TMEM132B: variants seen among roughly 807,000 people sequenced by gnomAD.
TMEM132B encodes transmembrane protein 132B.
Under a neutral mutation model 90.8 loss-of-function variants are expected in TMEM132B, and 18 were observed. That is an observed-to-expected ratio of 0.20 (90% CI 0.14 to 0.29). TMEM132B has a LOEUF of 0.29. TMEM132B is among the 10% of genes least tolerant of loss of function. The pLI is 1.00. For synonymous variants in TMEM132B, 504 were observed against 523.3 expected, an observed-to-expected ratio of 0.96 and a Z score of 0.50; for missense variants, 1,096 against 1,326.8, an observed-to-expected ratio of 0.83 and a Z score of 2.70.
chr12:125,399,834 T>C (rs1879265783), intron 2 of TMEM132B, among the ~76,000 whole-genome samples: 1 of 152,166 alleles, frequency 6.6e-6, no homozygotes. Context: ...AAGAAAATAT[T>C]GCATTGTAGA....
rs1476168051 is a variant in TMEM132B, at chr12:125,610,919, C to A, written c.1437+26925C>A. On this transcript the variant is annotated intron_variant, in intron 5 of 8. Transcript: ENST00000682704. ...TTATAGAATGATCCAGGAAGATTTCCCTTCTCTGTTATTATTTGGAAGAGT... is the reference window on the plus strand; with the variant it reads ...TTATAGAATGATCCAGGAAGATTTCACTTCTCTGTTATTATTTGGAAGAGT... Among the ~76,000 whole-genome samples the A allele has an allele frequency of 4.6e-5, 7 of 151,950 alleles. 1 individual carries two copies. The highest frequency in any genetic ancestry group is 1.0e-4 in the Non-Finnish European group (7 of 67,952).
chr12:125,441,732 G>A (rs1462729), intron 3 of TMEM132B, among the ~76,000 whole-genome samples: 73,863 of 152,070 alleles, frequency 0.49, 18,127 homozygotes, highest in East Asian at 0.58. Flanking sequence ...GCTGGAATCA[G>A]TGGTGGCTCT....
In TMEM132B at chr12:125,654,403, A is replaced by C; in HGVS notation, c.2945A>C (p.Gln982Pro). The change falls in exon 9 of 9, where the codon CAG (glutamine) becomes CCG (proline). Residue 982 changes from glutamine (Q) to proline (P), a missense_variant. By Grantham distance (76) the Gln-to-Pro change is moderately conservative. Transcript: ENST00000682704. This position sits in a 1 kb window ranked among gnomAD's most constrained non-coding sequence, Gnocchi z 5.8. ...ECTTMIDRGL[Q>P]FEERNFLLNG... ...ACAACCATGATAGACAGGGGCCTGC[A>C]GTTCGAGGAGAGGAACTTCCTTCTG... 2 of 1,613,370 alleles carry C rather than the reference A, an allele frequency of 1.2e-6. No individual in the cohort carries two copies. Among genetic ancestry groups the C allele is most frequent in the Non-Finnish European group, 8.5e-7 (1 of 1,180,010 alleles).
chr12:125,322,986 C>G (rs962023703), intron 1 of TMEM132B, among the ~76,000 whole-genome samples: 1 of 152,118 alleles, frequency 6.6e-6, no homozygotes, highest in Non-Finnish European at 1.5e-5. Flanking sequence ...TTTTTTTCCA[C>G]TTAACACACA....
rs1418090623 is a variant in TMEM132B at position 125,519,639 on chromosome 12, G to C, written c.1293+14G>C. ...CCTCTTGCCATGGTGAGGAATCTGG[G>C]GGTTTCAGAGGAAGTGTCACAAAGA... On this transcript the variant is annotated intron_variant, in intron 4 of 8. Transcript: ENST00000682704. 6.2e-7 allele frequency: 1 copy of C among 1,612,718 alleles called. No individual in the cohort carries two copies. Among genetic ancestry groups the C allele is most frequent in the Non-Finnish European group, 8.5e-7 (1 of 1,179,800 alleles).
chr12:125,362,269 G>C (rs1301959697), intron 2 of TMEM132B, among the ~76,000 whole-genome samples: 1 of 152,160 alleles, frequency 6.6e-6, no homozygotes, highest in East Asian at 1.9e-4. Flanking sequence ...CATGCTTGCA[G>C]AACAAGGCTC....
At chr12:125,326,733 G>T in intron 1 of TMEM132B, 2 of 1,548,098 alleles carry the variant, frequency 1.3e-6, no homozygotes, top group East Asian at 2.3e-5. Flanking sequence ...CAGACCCAAG[G>T]GGAGGTTTTC....
chr12:125,308,952 G>A (rs1237271088), intron 1 of TMEM132B, among the ~76,000 whole-genome samples: 2 of 152,002 alleles, frequency 1.3e-5, no homozygotes, highest in Non-Finnish European at 2.9e-5. Context: ...ATGTTATATT[G>A]ATATAGTATT....
At position 125,458,649 on chromosome 12, in the gene TMEM132B, G is replaced by C. The variant is rs1348651779; in HGVS notation, c.1106+42972G>C. 6.6e-6 allele frequency among the ~76,000 whole-genome samples: 1 copy of C among 152,126 alleles called. No homozygotes were observed. Among genetic ancestry groups the C allele is most frequent in the Non-Finnish European group, 1.5e-5 (1 of 68,018 alleles). On this transcript the variant is annotated intron_variant, in intron 3 of 8. Coordinates refer to ENST00000682704, the MANE Select transcript of TMEM132B (RefSeq NM_001366854.1). This position sits in a 1 kb window ranked among gnomAD's most constrained non-coding sequence, Gnocchi z 4.9. ...TGGAAATGAGACTCACATCCATGCG[G>C]CCAGCGTCCGTGTCCCCTGCCTCTG...
intron 2 of TMEM132B, among the ~76,000 whole-genome samples, chr12:125,379,413 C>T (rs1878592127): frequency 6.6e-6 from 1 of 152,184 alleles, no homozygotes. Context: ...ATGCAGCCAG[C>T]TTCTAGAAGC....
chr12:125,343,866 T>C (rs938569446), intron 1 of TMEM132B, among the ~76,000 whole-genome samples: 2 of 152,190 alleles, frequency 1.3e-5, no homozygotes, highest in East Asian at 1.9e-4. Context: ...AATGGAGTGA[T>C]AGTGTGATGG....
intron 4 of TMEM132B, among the ~76,000 whole-genome samples, chr12:125,570,016 G>C (rs1015902517): frequency 2.6e-5 from 4 of 151,948 alleles, no homozygotes; most frequent in African/African-American, 7.3e-5. Flanking sequence ...ATAGTGTTGG[G>C]GGGGAAGGGA....
In TMEM132B at chr12:125,650,737, C is replaced by T. The variant is rs779352642; in HGVS notation, c.1698C>T (p.Cys566=). The change falls in exon 7 of 9, where the codon TGC becomes TGT. Residue 566 remains cysteine (C), a synonymous_variant. Coordinates refer to ENST00000682704, the MANE Select transcript of TMEM132B (RefSeq NM_001366854.1). ...EDDEEKKGRG[C]SLQYQHATVR... is the part of the protein sequence containing the mutation. Reference sequence around the variant, plus strand: ...ATGAGGAGAAGAAGGGACGAGGCTGCTCCCTGCAGTACCAGCACGCCACAG... The same window carrying T: ...ATGAGGAGAAGAAGGGACGAGGCTGTTCCCTGCAGTACCAGCACGCCACAG... 3.7e-6 allele frequency: 6 copies of T among 1,614,040 alleles called. No homozygotes were observed. The highest frequency in any genetic ancestry group is 4.5e-5 in the East Asian group (2 of 44,890).
At chr12:125,263,242 G>T (rs1874609543) in intron 1 of TMEM132B, among the ~76,000 whole-genome samples, 1 of 152,224 alleles carries the variant, frequency 6.6e-6, no homozygotes, top group Admixed American at 6.5e-5. Flanking sequence ...GCAGCTCAGA[G>T]TGGAATGAAC....
chr12:125,324,188 C>T (rs190253260), intron 1 of TMEM132B, among the ~76,000 whole-genome samples: 2 of 152,296 alleles, frequency 1.3e-5, no homozygotes, highest in Admixed American at 1.3e-4. Context: ...ATGCCACAAT[C>T]CGTGCGTTTG....
chr12:125,353,741 C>G (rs976845503), intron 2 of TMEM132B, among the ~76,000 whole-genome samples: 1 of 152,140 alleles, frequency 6.6e-6, no homozygotes, highest in African/African-American at 2.4e-5. Context: ...CCACAGCTCA[C>G]TGCCTCTAAC....
intron 1 of TMEM132B, among the ~76,000 whole-genome samples, chr12:125,341,104 T>C (rs1223326967): frequency 6.6e-6 from 1 of 152,240 alleles, no homozygotes; most frequent in Non-Finnish European, 1.5e-5. Context: ...ATTACGCTCT[T>C]ACAATGTAGA....
intron 1 of TMEM132B, among the ~76,000 whole-genome samples, chr12:125,266,756 A>G (rs1338734583): frequency 6.6e-6 from 1 of 152,218 alleles, no homozygotes; most frequent in Non-Finnish European, 1.5e-5. Flanking sequence ...TTATTTTAGC[A>G]TCAGGGTGAT....
chr12:125,499,453 C>T lies in TMEM132B; in HGVS notation c.1107-19986C>T, dbSNP rs1185204553. Among the ~76,000 whole-genome samples, 33 of 152,174 alleles carry T rather than the reference C, an allele frequency of 2.2e-4. 1 individual carries two copies. Among genetic ancestry groups the T allele is most frequent in the Admixed American group, 2.2e-3 (33 of 15,288 alleles). ...TTGGACTGCCAGAATGAGCCAACAG[C>T]GCGTGATGTGCTTCCCCCTGCAGAG... On this transcript the variant is annotated intron_variant, in intron 3 of 8. Coordinates refer to ENST00000682704, the MANE Select transcript of TMEM132B (RefSeq NM_001366854.1).
Sources: allele counts gnomAD v4.1 joint callset (sites outside exome capture counted in the v4.1 genomes callset), GRCh38; gene constraint gnomAD v4.1.1; non-coding constraint Gnocchi (gnomAD v3.1); transcripts MANE v1.5; gene names NCBI Gene and HGNC (gene_info 2026-07-23, HGNC 2026-07-21).